The following LAMA2 variants were observed in gnomAD, a reference collection of about 807,000 sequenced individuals.
LAMA2 encodes laminin subunit alpha-2.
Under a neutral mutation model 364.8 loss-of-function variants are expected in LAMA2, and 269 were observed. That is an observed-to-expected ratio of 0.74 (90% CI 0.67 to 0.82). The LOEUF (loss-of-function observed/expected upper bound fraction) is 0.82. Among genes scored for constraint, LAMA2 ranks in the 40% least tolerant of loss-of-function variants. LAMA2 has a pLI of 0.00. For missense variants in LAMA2, 3,807 were observed against 3,873.2 expected (o/e 0.98, Z 0.45); for synonymous variants, 1,379 against 1,370.6 (o/e 1.01, Z -0.14).
At chr6:129,092,880 T>C (rs1774928468) in intron 3 of LAMA2, among the ~76,000 whole-genome samples, 1 of 152,160 alleles carries the variant, frequency 6.6e-6, no homozygotes, top group African/African-American at 2.4e-5. Context: ...TATTACATCA[T>C]TACAGAATCA....
At chr6:129,184,691 CT>C (rs1781128293) in intron 10 of LAMA2, among the ~76,000 whole-genome samples, 2 of 151,792 alleles carry the variant, frequency 1.3e-5, no homozygotes, top group East Asian at 3.9e-4. Flanking sequence ...AATCTCTACC[CT>C]TTTCCTTGGC....
intron 1 of LAMA2, among the ~76,000 whole-genome samples, chr6:128,975,227 A>G (rs1311866312): frequency 2.0e-5 from 3 of 152,212 alleles, no homozygotes; most frequent in Non-Finnish European, 4.4e-5. Flanking sequence ...ACAAAATGCT[A>G]TTAGGACCAT....
intron 21 of LAMA2, among the ~76,000 whole-genome samples, chr6:129,298,293 T>C (rs1773333891): frequency 6.6e-6 from 1 of 152,190 alleles, no homozygotes; most frequent in Non-Finnish European, 1.5e-5. Context: ...GGTGTTTTTT[T>C]TTTCCTGGTA....
intron 45 of LAMA2, among the ~76,000 whole-genome samples, chr6:129,449,705 G>A (rs573146525): frequency 9.3e-4 from 142 of 151,984 alleles, no homozygotes; most frequent in Middle Eastern, 3.4e-3. Flanking sequence ...GTAACCTCTA[G>A]TGACATTAGA....
intron 1 of LAMA2, among the ~76,000 whole-genome samples, chr6:128,940,439 A>G (rs1780081196): frequency 6.6e-6 from 1 of 152,190 alleles, no homozygotes; most frequent in Admixed American, 6.5e-5. Flanking sequence ...TTTTCTTACC[A>G]TCTTTCCCTC....
intron 1 of LAMA2, among the ~76,000 whole-genome samples, chr6:129,032,312 A>G (rs1393499952): frequency 7.2e-5 from 11 of 152,246 alleles, no homozygotes; most frequent in Non-Finnish European, 1.5e-4. Flanking sequence ...GTGCTATGCA[A>G]GAAAAATAAG....
intron 53 of LAMA2, 125 bp from the exon 54 acceptor site, chr6:129,478,568 G>A: frequency 1.0e-6 from 1 of 974,126 alleles, no homozygotes; most frequent in Non-Finnish European, 1.6e-6. Flanking sequence ...GGGTACACGT[G>A]TGCACAGTTT....
intron 3 of LAMA2, among the ~76,000 whole-genome samples, chr6:129,061,678 C>T (rs75692583): frequency 0.12 from 18,612 of 152,192 alleles, 1,192 homozygotes; most frequent in Middle Eastern, 0.19. Flanking sequence ...TTTTCTCTTC[C>T]TCCCATTTAG....
At chr6:129,073,488 C>T (rs1773445501) in intron 3 of LAMA2, among the ~76,000 whole-genome samples, 1 of 152,080 alleles carries the variant, frequency 6.6e-6, no homozygotes, top group African/African-American at 2.4e-5. Flanking sequence ...CTCCACTCTC[C>T]CTGAGACTTC....
chr6:129,273,636 G>A (rs1326380714), intron 17 of LAMA2, among the ~76,000 whole-genome samples: 1 of 152,076 alleles, frequency 6.6e-6, no homozygotes, highest in Non-Finnish European at 1.5e-5. Flanking sequence ...CTTGGATAAT[G>A]GGTTCTAATT....
intron 1 of LAMA2, among the ~76,000 whole-genome samples, chr6:129,014,237 G>A (rs1784944282): frequency 1.3e-5 from 2 of 152,196 alleles, no homozygotes; most frequent in Non-Finnish European, 2.9e-5. Context: ...GGATATGTAA[G>A]TCTCATCTGT....
intron 34 of LAMA2, among the ~76,000 whole-genome samples, chr6:129,373,619 G>T (rs1020480432): frequency 1.3e-5 from 2 of 151,960 alleles, no homozygotes; most frequent in Admixed American, 6.6e-5. Context: ...TTTAGCCATT[G>T]TGTCTTCTTA....
At chr6:129,200,028 A>G (rs527263254) in intron 12 of LAMA2, among the ~76,000 whole-genome samples, 3 of 151,484 alleles carry the variant, frequency 2.0e-5, no homozygotes, top group Non-Finnish European at 4.4e-5. Context: ...GCAGTGAGCC[A>G]AGATTGGGTC....
chr6:129,128,188 A>C (rs1333588844), intron 4 of LAMA2, among the ~76,000 whole-genome samples: 1 of 152,164 alleles, frequency 6.6e-6, no homozygotes, highest in Non-Finnish European at 1.5e-5. Flanking sequence ...GATGTGAAAT[A>C]AGGGGCCAAT....
At chr6:129,485,752 G>A (rs1397590650) in intron 55 of LAMA2, among the ~76,000 whole-genome samples, 2 of 152,172 alleles carry the variant, frequency 1.3e-5, no homozygotes, top group East Asian at 3.9e-4. Context: ...ACATGATGAT[G>A]TTTGATGGAA....
rs1021643646 is a variant in LAMA2 at position 129,460,292 on chromosome 6, A to T, written c.6960A>T (p.Glu2320Asp). 1.9e-6 allele frequency: 3 copies of T among 1,612,248 alleles called. No homozygotes were observed. The highest frequency in any genetic ancestry group is 1.7e-5 in the Admixed American group (1 of 59,854). Residue 2320 changes from glutamate to aspartate, a missense_variant, in exon 49 of 65, where the codon GAA (glutamate) becomes GAT (aspartate). Around this residue, in one of 3 missense-constraint regions of LAMA2, gnomAD observed 3,333 missense variants for 3,345.7 expected, o/e 1.00. Transcript: ENST00000421865. ...NKPIGLWNFR[E>D]KEGDCKGCTV... ...CTATAGGTTTGTGGAATTTCCGAGA[A>T]AAAGAAGGTGACTGCAAAGGATGCA...
chr6:129,193,085 T>A lies in LAMA2; in HGVS notation c.1782+232T>A, dbSNP rs17056935. On this transcript the variant is annotated intron_variant, in intron 12 of 64. Transcript: ENST00000421865. ...ATAGCTGATGTTCTATGTAAACTTT[T>A]TGAATGGGCAAATAAATTAATGAAG... 1.0e-3 allele frequency among the ~76,000 whole-genome samples: 152 copies of A among 152,324 alleles called. 2 individuals carry two copies. Among genetic ancestry groups the A allele is most frequent in the African/African-American group, 3.4e-3 (143 of 41,568 alleles).
intron 21 of LAMA2, among the ~76,000 whole-genome samples, chr6:129,300,106 A>G (rs1303025448): frequency 1.3e-5 from 2 of 152,208 alleles, no homozygotes; most frequent in Non-Finnish European, 2.9e-5. Flanking sequence ...GTACCCTTTG[A>G]ATATTGCATG....
intron 40 of LAMA2, among the ~76,000 whole-genome samples, chr6:129,427,399 C>T (rs193007867): frequency 9.9e-5 from 15 of 152,212 alleles, no homozygotes; most frequent in African/African-American, 3.4e-4. Flanking sequence ...CTTACAACAC[C>T]GCCAGTTATC....
Sources: gnomAD v4.1 joint callset for allele counts (sites outside exome capture counted in the v4.1 genomes callset) on GRCh38, gnomAD v4.1.1 for gene constraint, gnomAD v4.1.1 regional missense constraint, MANE v1.5 for transcripts, NCBI Gene and HGNC (gene_info 2026-07-23, HGNC 2026-07-21) for gene names.